Variants in IGSF21 observed in about 807,000 individuals in gnomAD.
The protein encoded by IGSF21 is immunoglobin superfamily member 21.
A neutral mutation model predicts 46.8 loss-of-function variants in IGSF21; 28 were observed. That is an observed-to-expected ratio of 0.60 (90% confidence interval 0.44 to 0.82). The LOEUF (loss-of-function observed/expected upper bound fraction) is 0.82, where lower values mean the gene tolerates loss of function less well. Ranked by LOEUF, IGSF21 falls within the 40% of genes least tolerant of loss-of-function variation. The pLI is 0.00. For synonymous variants in IGSF21, 284 were observed against 273.6 expected (o/e 1.04, Z -0.38); for missense variants, 624 against 665.5 (o/e 0.94, Z 0.69).
chr1:18,153,989 T>G (rs1337289609), intron 1 of IGSF21, among the ~76,000 whole-genome samples: 1 of 152,140 alleles, frequency 6.6e-6, no homozygotes, highest in African/African-American at 2.4e-5. Flanking sequence ...GTGATTTAAT[T>G]GTAGGAGCCG....
intron 2 of IGSF21, among the ~76,000 whole-genome samples, chr1:18,251,389 T>C (rs553881835): frequency 6.6e-6 from 1 of 152,194 alleles, no homozygotes; most frequent in South Asian, 2.1e-4. Flanking sequence ...ACAACAAAGG[T>C]TTATTTCTTA....
At chr1:18,359,367 A>AAAGAAAGAAAGAAAGAAAGAAAGAAAGG (rs2086062435) in intron 4 of IGSF21, among the ~76,000 whole-genome samples, 1 of 97,322 alleles carries the variant, frequency 1.0e-5, no homozygotes, top group African/African-American at 3.6e-5. Flanking sequence ...AGAAAGAAAG[A>AAAGAAAGAAAGAAAGAAAGAAAGAAAGG]AAGAAAGAAA....
At position 18,377,007 on chromosome 1, in the gene IGSF21, A is replaced by T. The variant is rs369391534; in HGVS notation, c.1294+15A>T. 11 of 1,576,082 alleles carry T rather than the reference A, an allele frequency of 7.0e-6. No homozygotes were observed. The highest frequency in any genetic ancestry group is 9.5e-6 in the Non-Finnish European group (11 of 1,155,296). On this transcript the variant is annotated intron_variant, in intron 8 of 9. Transcript: ENST00000251296. ...CATCGTGTTTGGTATGGCGCGCTCAACTGGGGACTGGGAGAACAACCACAG... is the reference window on the plus strand; with the variant it reads ...CATCGTGTTTGGTATGGCGCGCTCATCTGGGGACTGGGAGAACAACCACAG...
At chr1:18,132,168 AATGGATGG>A (rs3045379) in intron 1 of IGSF21, among the ~76,000 whole-genome samples, 92,597 of 151,052 alleles carry the variant, frequency 0.61, 28,953 homozygotes, top group Non-Finnish European at 0.68. Flanking sequence ...TATCTGGATG[AATGGATGG>A]ATGGATGGAT....
At chr1:18,308,460 A>C (rs575952355) in intron 3 of IGSF21, among the ~76,000 whole-genome samples, 4 of 152,062 alleles carry the variant, frequency 2.6e-5, no homozygotes, top group Non-Finnish European at 5.9e-5. Context: ...CACACACACA[A>C]AGAGTTTAGG....
chr1:18,229,548 C>G (rs1447707277), intron 2 of IGSF21, among the ~76,000 whole-genome samples: 1 of 152,206 alleles, frequency 6.6e-6, no homozygotes, highest in Non-Finnish European at 1.5e-5. Context: ...TCATAGTTCT[C>G]TATTTCAGCA....
chr1:18,187,997 G>T (rs558491867), intron 1 of IGSF21, among the ~76,000 whole-genome samples: 1 of 152,232 alleles, frequency 6.6e-6, no homozygotes, highest in East Asian at 1.9e-4. Context: ...TGAATCTGGA[G>T]GTCCCCCCTA....
At chr1:18,174,318 C>T (rs974011276) in intron 1 of IGSF21, among the ~76,000 whole-genome samples, 2 of 152,292 alleles carry the variant, frequency 1.3e-5, no homozygotes, top group East Asian at 1.9e-4. Context: ...CCGAGCAGCC[C>T]GTGTCTAAGC....
chr1:18,377,558 G>A, intron 9 of IGSF21, 127 bp downstream of exon 9: 3 of 799,806 alleles, frequency 3.8e-6, no homozygotes, highest in South Asian at 2.8e-5. Context: ...GCAGGTCATT[G>A]CCCTCTAGTA....
intron 2 of IGSF21, among the ~76,000 whole-genome samples, chr1:18,246,474 G>A (rs936251622): frequency 6.6e-6 from 1 of 152,012 alleles, no homozygotes; most frequent in Non-Finnish European, 1.5e-5. Context: ...GTGGAGCTTA[G>A]GACTCCAACC....
At chr1:18,189,202 A>G (rs1448080745) in intron 1 of IGSF21, among the ~76,000 whole-genome samples, 1 of 152,244 alleles carries the variant, frequency 6.6e-6, no homozygotes, top group Non-Finnish European at 1.5e-5. Flanking sequence ...CTTTGGGGCA[A>G]ACATCCCCTT....
chr1:18,326,469 G>C (rs2085659267), intron 3 of IGSF21, among the ~76,000 whole-genome samples: 1 of 152,144 alleles, frequency 6.6e-6, no homozygotes, highest in Non-Finnish European at 1.5e-5. Flanking sequence ...TAGAAGCTTG[G>C]TTTCCATGCA....
chr1:18,141,948 T>C (rs2086418842), intron 1 of IGSF21, among the ~76,000 whole-genome samples: 1 of 152,090 alleles, frequency 6.6e-6, no homozygotes, highest in Non-Finnish European at 1.5e-5. Context: ...TGCATGCCTG[T>C]GGTCCCAGCT....
In IGSF21 at chr1:18,212,588, C is replaced by A. The variant is rs149600600; in HGVS notation, c.71-15310C>A. Among the ~76,000 whole-genome samples, 391 of 152,332 alleles carry A rather than the reference C, an allele frequency of 2.6e-3. 3 individuals carry two copies. The highest frequency in any genetic ancestry group is 8.9e-3 in the African/African-American group (368 of 41,580). On this transcript the variant is annotated intron_variant, in intron 1 of 9. Transcript: ENST00000251296. ...GGCAGAATGAGGGCTAGCCCGGGGTCTTCTGCTTCAAGGTCTGGGCTGCTT... is the reference window on the plus strand; with the variant it reads ...GGCAGAATGAGGGCTAGCCCGGGGTATTCTGCTTCAAGGTCTGGGCTGCTT...
chr1:18,329,884 G>A (rs1156835594), intron 3 of IGSF21, among the ~76,000 whole-genome samples: 3 of 152,240 alleles, frequency 2.0e-5, no homozygotes, highest in African/African-American at 4.8e-5. Flanking sequence ...CCTAGTGAAG[G>A]CATGCAGGTC....
chr1:18,287,089 G>A (rs2085219130), intron 2 of IGSF21, among the ~76,000 whole-genome samples: 2 of 151,124 alleles, frequency 1.3e-5, no homozygotes, highest in South Asian at 4.2e-4. Context: ...GCTGAGGCAG[G>A]AGAATGGCGT....
chr1:18,247,696 T>A (rs1357826452), intron 2 of IGSF21, among the ~76,000 whole-genome samples: 2 of 152,156 alleles, frequency 1.3e-5, no homozygotes, highest in Non-Finnish European at 2.9e-5. Context: ...AACAAGCTAC[T>A]GTTTATTGAG....
At chr1:18,273,039 C>CTTTTTTTTTTTTTTTTTT (rs760448516) in intron 2 of IGSF21, among the ~76,000 whole-genome samples, 5 of 80,722 alleles carry the variant, frequency 6.2e-5, no homozygotes, top group Non-Finnish European at 9.7e-5. Context: ...CCAGACGGAT[C>CTTTTTTTTTTTTTTTTTT]TTTTTTTTTT....
At chr1:18,226,890 G>A (rs1198861186) in intron 1 of IGSF21, among the ~76,000 whole-genome samples, 3 of 152,234 alleles carry the variant, frequency 2.0e-5, no homozygotes, top group African/African-American at 7.2e-5. Flanking sequence ...CAGGAATGAG[G>A]TTCCCCTCGG....
Sources: allele counts gnomAD v4.1 joint callset (sites outside exome capture counted in the v4.1 genomes callset), GRCh38; gene constraint gnomAD v4.1.1; transcripts MANE v1.5; gene names NCBI Gene and HGNC (gene_info 2026-07-23, HGNC 2026-07-21).